Variants in MUC5B observed in about 807,000 individuals in gnomAD.
MUC5B encodes the protein mucin 5B, oligomeric mucus/gel-forming.
MUC5B carries 116 observed loss-of-function variants against 376.9 expected under a neutral mutation model. That is an observed-to-expected ratio of 0.31 (90% confidence interval 0.26 to 0.36). The LOEUF is 0.36. MUC5B is among the 10% of genes least tolerant of loss of function. The pLI is 1.00. For synonymous variants in MUC5B, 3,517 were observed against 3,390.9 expected (o/e 1.04, Z -1.29); for missense variants, 7,165 against 7,769.9 (o/e 0.92, Z 2.93).
chr11:1,261,311 G>A, intron 48 of MUC5B, 78 bp from the exon 49 acceptor site: 2 of 1,305,856 alleles, frequency 1.5e-6, no homozygotes, highest in Non-Finnish European at 2.1e-6. Flanking sequence ...GGACCCCAGA[G>A]GCCCATGTGT....
Position 1,257,421 on chromosome 11 carries a change from A to G in MUC5B, c.16270-109A>G. 12 of 1,333,152 alleles carry G rather than the reference A, an allele frequency of 9.0e-6. No individual in the cohort carries two copies. Among genetic ancestry groups the G allele is most frequent in the Non-Finnish European group, 1.3e-5 (12 of 953,056 alleles). The allele number at this position is 1,333,152 out of a possible 1,614,324, so 82.6% of individuals were successfully genotyped here. On this transcript the variant is annotated intron_variant, in intron 40 of 48. Transcript: ENST00000529681. The surrounding 1 kb of genome is among the most constrained non-coding windows in gnomAD (Gnocchi z 8.9). ...GCTGGTGTGCGCTTCCTGCCCCATC[A>G]CTCTGGGCCACTCGGGTACCAGCCC...
At position 1,242,931 on chromosome 11, in the gene MUC5B, C is replaced by G. The variant is rs563975415; in HGVS notation, c.6051C>G (p.Ala2017=). The change falls in exon 31 of 49, where the codon GCC becomes GCG. Residue 2017 remains alanine, a synonymous_variant. Coordinates refer to ENST00000529681, the MANE Select transcript of MUC5B (RefSeq NM_002458.3). ...TATPSSTPET[A]HTSTVLTATA... is the part of the protein sequence containing the mutation. ...CACCCTCCTCCACTCCAGAGACTGCCCACACCTCCACAGTGCTTACCGCCA... is the reference window on the plus strand; with the variant it reads ...CACCCTCCTCCACTCCAGAGACTGCGCACACCTCCACAGTGCTTACCGCCA... The G allele has an allele frequency of 6.2e-7, 1 of 1,613,100 alleles. No individual in the cohort carries two copies. Among genetic ancestry groups the G allele is most frequent in the Non-Finnish European group, 8.5e-7 (1 of 1,179,302 alleles).
In MUC5B at chr11:1,249,623, G is replaced by T. The variant is rs1291051051; in HGVS notation, c.12743G>T (p.Trp4248Leu). The change falls in exon 31 of 49, where the codon TGG becomes TTG. Residue 4248 changes from tryptophan to leucine, a missense_variant. Trp to Leu is a moderately conservative substitution (Grantham distance 61). Transcript: ENST00000529681. ...AMPSSTPGTT[W>L]ILTELTTTAT... ...CCCTCCTCCACTCCGGGGACGACCT[G>T]GATCCTCACAGAGCTGACCACAACA... 6.2e-7 allele frequency: 1 copy of T among 1,611,332 alleles called. No individual in the cohort carries two copies. Among genetic ancestry groups the T allele is most frequent in the Non-Finnish European group, 8.5e-7 (1 of 1,178,630 alleles).
At position 1,236,953 on chromosome 11, in the gene MUC5B, TCGA is replaced by T. The variant is rs1230086527; in HGVS notation, c.3091_3093del (p.Asp1031del). 6.6e-7 allele frequency: 1 copy of T among 1,509,110 alleles called. No individual in the cohort carries two copies. Among genetic ancestry groups the T allele is most frequent in the South Asian group, 1.3e-5 (1 of 74,086 alleles). 93.5% of individuals were successfully genotyped at this position (1,509,110 alleles called of 1,614,324 possible). ...AGGGTCTGCGGCCTGTGCGGGAACT[TCGA>T]CGACAATGCCATCAATGACTTTGCC... On this transcript the variant is annotated inframe_deletion, in exon 25 of 49. Coordinates refer to ENST00000529681, the MANE Select transcript of MUC5B (RefSeq NM_002458.3).
chr11:1,236,599 C>T (rs754848343), intron 24 of MUC5B, 37 bp downstream of exon 24: 5 of 1,592,382 alleles, frequency 3.1e-6, no homozygotes, highest in Non-Finnish European at 4.3e-6. Flanking sequence ...CCCTGCAGGA[C>T]CCTCTCACAG....
chr11:1,251,632 G>T lies in MUC5B; in HGVS notation c.14752G>T (p.Val4918Leu), dbSNP rs377582994. The part of the protein sequence containing the change: ...VLPSSLPTFS[V>L]STVSSSVLTT... ...CCCCAGCAGCCTGCCAACCTTCAGC[G>T]TGTCCACTGTGTCCTCCTCAGTCCT... is the stretch of plus-strand genomic sequence containing the variant. The change falls in exon 31 of 49, where the codon GTG (valine) becomes TTG (leucine). Residue 4918 changes from valine (V) to leucine (L), a missense_variant. Physicochemically the swap from Val to Leu is conservative, Grantham distance 32. This residue lies in a region of MUC5B where 730 missense variants were observed against 592.7 expected (regional missense o/e 1.23). Coordinates refer to ENST00000529681, the MANE Select transcript of MUC5B (RefSeq NM_002458.3). 9 of 1,612,894 alleles carry T rather than the reference G, an allele frequency of 5.6e-6. No individual in the cohort carries two copies. Among genetic ancestry groups the T allele is most frequent in the Non-Finnish European group, 7.6e-6 (9 of 1,179,800 alleles).
chr11:1,256,460 C>T (rs1240990250), intron 38 of MUC5B: 4 of 542,788 alleles, frequency 7.4e-6, no homozygotes, highest in South Asian at 2.2e-5. Flanking sequence ...GCCCCGCCAC[C>T]GAGCCCCACC....
rs751342793 is a variant in MUC5B, at chr11:1,237,057, G to A, written c.3190G>A (p.Ala1064Thr). The A allele has an allele frequency of 1.1e-5, 17 of 1,580,838 alleles. No homozygotes were observed. Among genetic ancestry groups the A allele is most frequent in the South Asian group, 2.3e-5 (2 of 86,400 alleles). Residue 1064 changes from alanine (A) to threonine (T), a missense_variant, in exon 25 of 49, where the codon GCC (alanine) becomes ACC (threonine). This residue lies in a region of MUC5B where 143 missense variants were observed against 193.2 expected (regional missense o/e 0.74). Transcript: ENST00000529681. Reference sequence around the variant, plus strand: ...GAAGCTCTCCCCCTCCTGCCCGGACGCCCTGGCACCCAAGGACCCCTGCAC... The same window carrying A: ...GAAGCTCTCCCCCTCCTGCCCGGACACCCTGGCACCCAAGGACCCCTGCAC... ...SWKLSPSCPDALAPKDPCTAN... is the reference protein window; with the variant it reads ...SWKLSPSCPDTLAPKDPCTAN...
chr11:1,240,500 G>A (rs1233170510), intron 30 of MUC5B, 125 bp downstream of exon 30: 2 of 916,500 alleles, frequency 2.2e-6, no homozygotes, highest in African/African-American at 3.3e-5. Context: ...TCCGGGCTCT[G>A]TCTAGGGGTG....
chr11:1,261,092 C>A (rs1262883673), intron 48 of MUC5B, among the ~76,000 whole-genome samples: 4 of 152,240 alleles, frequency 2.6e-5, no homozygotes, highest in African/African-American at 9.6e-5. Context: ...TGACCCTTAG[C>A]TAGAAGAGGC....
intron 3 of MUC5B, 61 bp downstream of exon 3, chr11:1,226,337 G>A (rs1861881683): frequency 2.0e-6 from 3 of 1,530,272 alleles, no homozygotes; most frequent in Non-Finnish European, 2.7e-6. Flanking sequence ...AAAGGTGGGG[G>A]CCCAGATCTA....
Position 1,258,031 on chromosome 11 carries a change from A to C in MUC5B, c.16451-68A>C. ...TCGGGGAAAAGCACGCCTGCGACTTACTCTGGGAACAAGTGGTCGGGAGGA... is the reference window on the plus strand; with the variant it reads ...TCGGGGAAAAGCACGCCTGCGACTTCCTCTGGGAACAAGTGGTCGGGAGGA... On this transcript the variant is annotated intron_variant, in intron 41 of 48. Coordinates refer to ENST00000529681, the MANE Select transcript of MUC5B (RefSeq NM_002458.3). The surrounding 1 kb of genome is among the most constrained non-coding windows in gnomAD (Gnocchi z 5.5). The C allele has an allele frequency of 6.9e-7, 1 of 1,443,970 alleles. No individual in the cohort carries two copies. The highest frequency in any genetic ancestry group is 9.5e-7 in the Non-Finnish European group (1 of 1,055,218). The allele number at this position is 1,443,970 out of a possible 1,614,324, so 89.4% of individuals were successfully genotyped here.
Position 1,223,927 on chromosome 11 carries a change from C to T in MUC5B, c.70+734C>T, listed in dbSNP as rs563700744. On this transcript the variant is annotated intron_variant, in intron 1 of 48. Transcript: ENST00000529681. ...CCCTCCCTGCCCCGCCCTCCACCCCCTCCCAAGCTTGGGGTCTGGGCTGGG... is the reference window on the plus strand; with the variant it reads ...CCCTCCCTGCCCCGCCCTCCACCCCTTCCCAAGCTTGGGGTCTGGGCTGGG... Among the ~76,000 whole-genome samples, 204 of 152,346 alleles carry T rather than the reference C, an allele frequency of 1.3e-3. 1 individual carries two copies. Among genetic ancestry groups the T allele is most frequent in the Admixed American group, 2.4e-3 (37 of 15,314 alleles).
intron 10 of MUC5B, 65 bp downstream of exon 10, chr11:1,229,872 G>A (rs1303621522): frequency 1.3e-5 from 20 of 1,541,400 alleles, no homozygotes; most frequent in African/African-American, 9.6e-5. Flanking sequence ...TTATGAACCC[G>A]CCAGCCTCTG....
In MUC5B at chr11:1,230,137, G is replaced by A; in HGVS notation, c.1353G>A (p.Leu451=). Residue 451 remains leucine, a synonymous_variant, in exon 11 of 49, where the codon CTG becomes CTA. Transcript: ENST00000529681. ...YDLHGDCSYV[L]SKKCADSSFT... ...TGCATGGTGACTGCAGCTACGTTCTGTCCAAGGTCTGGGCTTGGGGCCGGG... is the reference window on the plus strand; with the variant it reads ...TGCATGGTGACTGCAGCTACGTTCTATCCAAGGTCTGGGCTTGGGGCCGGG... 2 of 1,601,292 alleles carry A rather than the reference G, an allele frequency of 1.2e-6. No individual in the cohort carries two copies. The highest frequency in any genetic ancestry group is 1.7e-6 in the Non-Finnish European group (2 of 1,174,928).
Position 1,254,803 on chromosome 11 carries a change from G to A in MUC5B, c.15587G>A (p.Ser5196Asn). 6.2e-7 allele frequency: 1 copy of A among 1,612,766 alleles called. No homozygotes were observed. Among genetic ancestry groups the A allele is most frequent in the Non-Finnish European group, 8.5e-7 (1 of 1,179,808 alleles). Residue 5196 changes from serine to asparagine, a missense_variant, in exon 35 of 49, where the codon AGC becomes AAC. Ser to Asn is a conservative substitution (Grantham distance 46). Coordinates refer to ENST00000529681, the MANE Select transcript of MUC5B (RefSeq NM_002458.3). Reference protein sequence around the residue: ...MRVDIPALGVSVTFNGQVFQA... With the variant: ...MRVDIPALGVNVTFNGQVFQA... ...GTGGACATTCCTGCCCTGGGCGTGA[G>A]CGTCACCTTCAATGGCCAAGTCTTC... is the stretch of plus-strand genomic sequence containing the variant.
At position 1,223,201 on chromosome 11, in the gene MUC5B, C is replaced by A. The variant is rs1162577922; in HGVS notation, c.70+8C>A. 11 of 710,310 alleles carry A rather than the reference C, an allele frequency of 1.5e-5. No individual in the cohort carries two copies. Among genetic ancestry groups the A allele is most frequent in the Non-Finnish European group, 2.6e-5 (10 of 384,540 alleles). The allele number at this position is 710,310 out of a possible 1,614,324, so 44.0% of individuals were successfully genotyped here. A position where few individuals can be genotyped will look rare whatever the true frequency, so the allele number is the denominator to read the frequency against. The stretch of plus-strand genomic sequence containing the variant: ...TCGTGGTGCCGCAGGCAGGTAAGAG[C>A]CCCCCACTCCGCCCCCTCTCGATGC... On this transcript the variant is annotated splice_region_variant and intron_variant, in intron 1 of 48. Transcript: ENST00000529681.
In MUC5B at chr11:1,257,922, G is replaced by A. The variant is rs142169112; in HGVS notation, c.16451-177G>A. Among the ~76,000 whole-genome samples the A allele has an allele frequency of 2.0e-5, 3 of 152,334 alleles. No homozygotes were observed. Among genetic ancestry groups the A allele is most frequent in the Non-Finnish European group, 4.4e-5 (3 of 68,014 alleles). ...GTGACCTCTGGCCTGCCCAGGAGTG[G>A]CCCAGGGACGTGGGAAGCAGCGGGG... On this transcript the variant is annotated intron_variant, in intron 41 of 48. Transcript: ENST00000529681. This position sits in a 1 kb window ranked among gnomAD's most constrained non-coding sequence, Gnocchi z 8.9.
At position 1,246,589 on chromosome 11, in the gene MUC5B, G is replaced by T. The variant is rs202223260; in HGVS notation, c.9709G>T (p.Val3237Phe). Reference protein sequence around the residue: ...STATTPTATSVTAIPSSSLGT... With the variant: ...STATTPTATSFTAIPSSSLGT... ...AGCCACCACACCCACAGCTACCAGCGTTACAGCCATCCCCTCTTCCTCCCT... is the reference window on the plus strand; with the variant it reads ...AGCCACCACACCCACAGCTACCAGCTTTACAGCCATCCCCTCTTCCTCCCT... The change falls in exon 31 of 49, where the codon GTT (valine) becomes TTT (phenylalanine). Residue 3237 changes from valine (V) to phenylalanine (F), a missense_variant. Val to Phe is a conservative substitution (Grantham distance 50). Transcript: ENST00000529681. The T allele has an allele frequency of 9.6e-4, 1,547 of 1,611,470 alleles. 16 individuals carry two copies. The East Asian group carries it at 0.015, about 16-fold the overall frequency.
Sources: allele counts gnomAD v4.1 joint callset (sites outside exome capture counted in the v4.1 genomes callset), GRCh38; gene constraint gnomAD v4.1.1; regional missense constraint gnomAD v4.1.1; non-coding constraint Gnocchi (gnomAD v3.1); transcripts MANE v1.5; gene names NCBI Gene and HGNC (gene_info 2026-07-23, HGNC 2026-07-21).